The following KLF12 variants were observed in gnomAD, a reference collection of about 807,000 sequenced individuals.
The protein encoded by KLF12 is KLF transcription factor 12, also known as Krueppel-like factor 12.
Under a neutral mutation model 37.8 loss-of-function variants are expected in KLF12, and 9 were observed. The observed-to-expected ratio is 0.24, with a 90% confidence interval of 0.14 to 0.42. The LOEUF (loss-of-function observed/expected upper bound fraction) is 0.42. Ranked by LOEUF, KLF12 falls within the 10% of genes least tolerant of loss-of-function variation. The pLI is 1.00. For synonymous variants in KLF12, 208 were observed against 202.1 expected (o/e 1.03, Z -0.25); for missense variants, 411 against 516.0 (o/e 0.80, Z 1.97).
intron 7 of KLF12, among the ~76,000 whole-genome samples, chr13:73,704,105 C>T (rs1874748486): frequency 6.6e-6 from 1 of 152,102 alleles, no homozygotes; most frequent in South Asian, 2.1e-4. Context: ...TTTGCAGAGA[C>T]CTCTTCCTTT....
At chr13:73,838,715 G>A (rs1242718257) in intron 4 of KLF12, among the ~76,000 whole-genome samples, 1 of 152,166 alleles carries the variant, frequency 6.6e-6, no homozygotes, top group Non-Finnish European at 1.5e-5. Context: ...TGGGATGGTA[G>A]GAAACCAGAG....
intron 3 of KLF12, among the ~76,000 whole-genome samples, chr13:73,893,150 C>T (rs986842865): frequency 7.2e-5 from 11 of 152,106 alleles, no homozygotes; most frequent in Admixed American, 2.0e-4. Flanking sequence ...CCCACACCTC[C>T]GCAATGCTTT....
intron 1 of KLF12, among the ~76,000 whole-genome samples, chr13:74,012,071 C>G (rs531701226): frequency 6.6e-6 from 1 of 152,260 alleles, no homozygotes; most frequent in South Asian, 2.1e-4. Flanking sequence ...GACATGTTTT[C>G]TTGTTTAATC....
chr13:73,773,411 G>A (rs1398535544), intron 5 of KLF12, among the ~76,000 whole-genome samples: 1 of 152,066 alleles, frequency 6.6e-6, no homozygotes, highest in Non-Finnish European at 1.5e-5. Context: ...CCCTTTCTTC[G>A]ATGTCAGAAA....
the KLF12 span, among the ~76,000 whole-genome samples, chr13:74,282,607 G>T: frequency 6.6e-6 from 1 of 152,134 alleles, no homozygotes; most frequent in Non-Finnish European, 1.5e-5. Context: ...GCTGTGTGAT[G>T]GAAATTCAGA....
At chr13:73,833,540 A>T (rs1017747912) in intron 4 of KLF12, among the ~76,000 whole-genome samples, 3 of 152,162 alleles carry the variant, frequency 2.0e-5, no homozygotes, top group Non-Finnish European at 4.4e-5. Context: ...TGTGTGCCAG[A>T]TGTTGGATAA....
intron 3 of KLF12, among the ~76,000 whole-genome samples, chr13:73,911,163 T>G (rs1259706756): frequency 6.6e-6 from 1 of 152,202 alleles, no homozygotes; most frequent in Admixed American, 6.5e-5. Flanking sequence ...GACTTAGTCA[T>G]TCTATACTGT....
At chr13:74,200,190 A>AG in the KLF12 span, among the ~76,000 whole-genome samples, 667 of 39,074 alleles carry the variant, frequency 0.017, 3 homozygotes, top group East Asian at 0.12. Context: ...AAGCTTGCTC[A>AG]GGGGGGGGGT....
At chr13:74,049,582 A>G (rs538683443) in intron 1 of KLF12, among the ~76,000 whole-genome samples, 1 of 152,344 alleles carries the variant, frequency 6.6e-6, no homozygotes, top group African/African-American at 2.4e-5. Context: ...AATTAAAAAT[A>G]TGATAGTAAA....
At chr13:73,859,542 G>A (rs1440770813) in intron 3 of KLF12, among the ~76,000 whole-genome samples, 2 of 152,096 alleles carry the variant, frequency 1.3e-5, no homozygotes, top group Non-Finnish European at 2.9e-5. Flanking sequence ...ATAAAATAAT[G>A]GGCACTGCTA....
chr13:74,259,576 T>C, the KLF12 span: 1 of 152,382 alleles, frequency 6.6e-6, no homozygotes, highest in East Asian at 1.9e-4. Flanking sequence ...TTGACTTGCA[T>C]GCCCCTCTTA....
intron 1 of KLF12, among the ~76,000 whole-genome samples, chr13:74,057,287 G>T (rs1297367302): frequency 6.6e-6 from 1 of 152,150 alleles, no homozygotes; most frequent in Middle Eastern, 3.2e-3. Flanking sequence ...AAGTACAACA[G>T]GGACAGCCAG....
rs1255038767 is a variant in KLF12, at chr13:73,943,982, C to A, written c.122G>T (p.Gly41Val). ...GCATTGCTGGAAACTTGTGCTTACC[C>A]CTTGTTCAGATTCCAAAAGCTCTGT... The change falls in exon 3 of 8, where the codon GGG (glycine) becomes GTG (valine). Residue 41 changes from glycine to valine, a missense_variant and splice_region_variant. Physicochemically the swap from Gly to Val is moderately radical, Grantham distance 109 (BLOSUM62 -3). Around this residue, in one of 2 missense-constraint regions of KLF12, gnomAD observed 351 missense variants for 397.8 expected, o/e 0.88. Coordinates refer to ENST00000377669, the MANE Select transcript of KLF12 (RefSeq NM_007249.5). 1 of 1,603,760 alleles carries A rather than the reference C, an allele frequency of 6.2e-7. No individual in the cohort carries two copies.
intron 3 of KLF12, among the ~76,000 whole-genome samples, chr13:73,895,524 A>G (rs1348037507): frequency 6.6e-6 from 1 of 152,218 alleles, no homozygotes; most frequent in Non-Finnish European, 1.5e-5. Context: ...GCTCTGATCT[A>G]TGCCAGTCCT....
chr13:74,280,503 G>T, the KLF12 span, among the ~76,000 whole-genome samples: 3 of 152,202 alleles, frequency 2.0e-5, no homozygotes, highest in Non-Finnish European at 2.9e-5. Context: ...TACACAGATT[G>T]TTTCTCATGG....
chr13:73,840,975 A>G (rs554766819), intron 4 of KLF12, among the ~76,000 whole-genome samples: 1 of 152,248 alleles, frequency 6.6e-6, no homozygotes, highest in Non-Finnish European at 1.5e-5. Flanking sequence ...GACACAGCTT[A>G]CTTCTCAGAG....
At chr13:73,928,640 GATAAA>G (rs1399468201) in intron 3 of KLF12, among the ~76,000 whole-genome samples, 1 of 152,138 alleles carries the variant, frequency 6.6e-6, no homozygotes, top group Non-Finnish European at 1.5e-5. Flanking sequence ...CATGAAACAT[GATAAA>G]ATAATGAGAA....
chr13:74,118,813 A>T (rs1215808042), intron 1 of KLF12, among the ~76,000 whole-genome samples: 1 of 152,202 alleles, frequency 6.6e-6, no homozygotes, highest in Non-Finnish European at 1.5e-5. Context: ...ATGTGCACAC[A>T]CAAACACAGA....
chr13:73,908,676 C>A (rs1321675319), intron 3 of KLF12, among the ~76,000 whole-genome samples: 1 of 151,888 alleles, frequency 6.6e-6, no homozygotes. Context: ...GACAGGGCTT[C>A]ACCATATTGG....
Sources: allele counts gnomAD v4.1 joint callset (sites outside exome capture counted in the v4.1 genomes callset), GRCh38; gene constraint gnomAD v4.1.1; regional missense constraint gnomAD v4.1.1; transcripts MANE v1.5; gene names NCBI Gene and HGNC (gene_info 2026-07-23, HGNC 2026-07-21).